ATP8A2: variants seen among roughly 807,000 people sequenced by gnomAD.
ATP8A2 encodes the protein phospholipid-transporting ATPase IB.
In ATP8A2, 100 loss-of-function variants were observed where a neutral mutation model predicts 165.6. The observed-to-expected ratio is 0.60, with a 90% CI of 0.51 to 0.71. ATP8A2 has a LOEUF of 0.71. Among genes scored for constraint, ATP8A2 ranks in the 30% least tolerant of loss-of-function variants. ATP8A2 has a pLI of 0.00. For synonymous variants in ATP8A2, 543 were observed against 548.8 expected (o/e 0.99, Z 0.15); for missense variants, 1,227 against 1,479.5 (o/e 0.83, Z 2.80).
Position 25,699,262 on chromosome 13 carries a change from C to A in ATP8A2, c.2301C>A (p.His767Gln). ...ACGTGGCCCTGATCATCGATGGCCACACCCTGAAGTACGCGCTCTCCTTCG... is the reference window on the plus strand; with the variant it reads ...ACGTGGCCCTGATCATCGATGGCCAAACCCTGAAGTACGCGCTCTCCTTCG... ...ENDVALIIDG[H>Q]TLKYALSFEV... Residue 767 changes from histidine (H) to glutamine (Q), a missense_variant, in exon 25 of 37, where the codon CAC (histidine) becomes CAA (glutamine). This residue lies in a region of ATP8A2 where 592 missense variants were observed against 785.6 expected (regional missense o/e 0.75). Coordinates refer to ENST00000381655, the MANE Select transcript of ATP8A2 (RefSeq NM_016529.6). 1 of 1,613,888 alleles carries A rather than the reference C, an allele frequency of 6.2e-7. No homozygotes were observed. Among genetic ancestry groups the A allele is most frequent in the Non-Finnish European group, 8.5e-7 (1 of 1,179,852 alleles).
intron 2 of ATP8A2, among the ~76,000 whole-genome samples, chr13:25,512,982 G>T (rs1284397701): frequency 7.5e-6 from 1 of 133,826 alleles, no homozygotes; most frequent in African/African-American, 2.7e-5. Flanking sequence ...CCTCCCTCCC[G>T]GACGGGGTGG....
intron 2 of ATP8A2, among the ~76,000 whole-genome samples, chr13:25,471,149 A>G (rs1325763582): frequency 6.6e-6 from 1 of 152,196 alleles, no homozygotes; most frequent in East Asian, 1.9e-4. Flanking sequence ...ATGATTTTCT[A>G]AAAGATATAT....
chr13:25,749,560 C>T (rs2044110934), intron 25 of ATP8A2, among the ~76,000 whole-genome samples: 1 of 151,976 alleles, frequency 6.6e-6, no homozygotes, highest in African/African-American at 2.4e-5. Context: ...GATGTCAGAG[C>T]AGGAGGCTGT....
At chr13:25,785,292 C>T (rs1266303600) in intron 27 of ATP8A2, among the ~76,000 whole-genome samples, 6 of 151,496 alleles carry the variant, frequency 4.0e-5, no homozygotes, top group Non-Finnish European at 5.9e-5. Flanking sequence ...CTCAGCTACT[C>T]GGGAGGCTGA....
chr13:25,654,230 G>T (rs2419496), intron 24 of ATP8A2, among the ~76,000 whole-genome samples: 6 of 15,978 alleles, frequency 3.8e-4, no homozygotes, highest in African/African-American at 9.1e-4. Flanking sequence ...TTTTTAGACA[G>T]GGTCTCACTC....
chr13:25,469,231 C>G, intron 2 of ATP8A2, 110 bp downstream of exon 2: 5 of 1,343,456 alleles, frequency 3.7e-6, no homozygotes, highest in Non-Finnish European at 5.1e-6. Context: ...CCGTCCATCT[C>G]CCCCAGAGCC....
chr13:25,587,360 T>G (rs1316897900), intron 23 of ATP8A2, among the ~76,000 whole-genome samples: 1 of 152,174 alleles, frequency 6.6e-6, no homozygotes, highest in East Asian at 1.9e-4. Flanking sequence ...CTGTTTCTTC[T>G]CAGAAGCCTT....
intron 35 of ATP8A2, 47 bp from the exon 36 acceptor site, chr13:26,012,484 C>T (rs753182745): frequency 6.8e-7 from 1 of 1,461,756 alleles, no homozygotes; most frequent in South Asian, 1.3e-5. Flanking sequence ...CTTGTGCAAC[C>T]CGAGTGTTCA....
intron 33 of ATP8A2, among the ~76,000 whole-genome samples, chr13:25,945,875 G>A (rs1007929738): frequency 6.6e-6 from 1 of 152,192 alleles, no homozygotes; most frequent in East Asian, 1.9e-4. Flanking sequence ...AGTCAGAGCT[G>A]TTTCAAGATC....
At chr13:25,930,556 G>GCTTT (rs934323381) in intron 33 of ATP8A2, among the ~76,000 whole-genome samples, 3 of 152,176 alleles carry the variant, frequency 2.0e-5, no homozygotes, top group Non-Finnish European at 4.4e-5. Flanking sequence ...GCATCAAAAT[G>GCTTT]CTTTCTTTCA....
rs553224294 is a variant in ATP8A2, at chr13:25,476,010, G to A, written c.221+6889G>A. Among the ~76,000 whole-genome samples the A allele has an allele frequency of 3.4e-4, 52 of 152,270 alleles. 1 individual carries two copies. Among genetic ancestry groups the A allele is most frequent in the Non-Finnish European group, 1.5e-5 (1 of 68,020 alleles). ...TGATGGTTTATTTTGCTGTGCAGAA[G>A]CCCTTAAGTTTAATTAGATGGGATC... On this transcript the variant is annotated intron_variant, in intron 2 of 36. Coordinates refer to ENST00000381655, the MANE Select transcript of ATP8A2 (RefSeq NM_016529.6).
At chr13:25,954,902 C>G (rs184884212) in intron 33 of ATP8A2, among the ~76,000 whole-genome samples, 1 of 152,284 alleles carries the variant, frequency 6.6e-6, no homozygotes, top group African/African-American at 2.4e-5. Context: ...AAAAACAGCA[C>G]AAAAAGGCTG....
At chr13:25,470,954 G>C (rs1486266466) in intron 2 of ATP8A2, among the ~76,000 whole-genome samples, 2 of 152,128 alleles carry the variant, frequency 1.3e-5, no homozygotes, top group Admixed American at 6.5e-5. Context: ...TCCTGGGGCT[G>C]GGGAAGAGAG....
At chr13:25,705,184 G>C (rs1484034163) in intron 25 of ATP8A2, 1 of 437,230 alleles carries the variant, frequency 2.3e-6, no homozygotes, top group Non-Finnish European at 4.6e-6. Flanking sequence ...TGTCCAAATG[G>C]AGATAAATTC....
intron 2 of ATP8A2, among the ~76,000 whole-genome samples, chr13:25,528,694 G>T (rs1445635804): frequency 6.6e-6 from 1 of 151,860 alleles, no homozygotes; most frequent in Non-Finnish European, 1.5e-5. Context: ...AAGTTCTAGG[G>T]TACATGTGCA....
chr13:25,530,509 T>C (rs1157965572), intron 3 of ATP8A2, 53 bp from the exon 4 acceptor site: 2 of 1,051,340 alleles, frequency 1.9e-6, no homozygotes, highest in Non-Finnish European at 2.9e-6. Context: ...TTTCTGTTCA[T>C]GGAGAGGATT....
rs2039446871 is a variant in ATP8A2 at position 25,570,843 on chromosome 13, A to G, written c.1550A>G (p.Asp517Gly). The change falls in exon 17 of 37, where the codon GAT (aspartate) becomes GGT (glycine). Residue 517 changes from aspartate to glycine, a missense_variant. Physicochemically the swap from Asp to Gly is moderately conservative, Grantham distance 94. Transcript: ENST00000381655. ...CHTVVPEKDG[D>G]NIIYQASSPD... ...ACGGTTGTTCCTGAGAAGGATGGAG[A>G]TAACATCATCTACCAGGCCTCTTCC... is the stretch of plus-strand genomic sequence containing the variant. 3.1e-6 allele frequency: 5 copies of G among 1,613,630 alleles called. No homozygotes were observed. Among genetic ancestry groups the G allele is most frequent in the Non-Finnish European group, 4.2e-6 (5 of 1,179,656 alleles).
At chr13:25,673,009 G>A (rs1006805926) in intron 24 of ATP8A2, among the ~76,000 whole-genome samples, 1 of 152,078 alleles carries the variant, frequency 6.6e-6, no homozygotes, top group African/African-American at 2.4e-5. Context: ...TGGTCAGCTT[G>A]TATTTTTTAG....
chr13:25,840,489 C>A (rs1043552698), intron 30 of ATP8A2, among the ~76,000 whole-genome samples: 1 of 150,482 alleles, frequency 6.6e-6, no homozygotes, highest in Non-Finnish European at 1.5e-5. Flanking sequence ...AATGCATGCA[C>A]TGCCATTTTC....
Sources: gnomAD v4.1 joint callset for allele counts (sites outside exome capture counted in the v4.1 genomes callset) on GRCh38, gnomAD v4.1.1 for gene constraint, gnomAD v4.1.1 regional missense constraint, MANE v1.5 for transcripts, NCBI Gene and HGNC (gene_info 2026-07-23, HGNC 2026-07-21) for gene names.